Variants in PTPRT observed in about 807,000 individuals in gnomAD.
The protein encoded by PTPRT is receptor-type tyrosine-protein phosphatase T.
A neutral mutation model predicts 176.8 loss-of-function variants in PTPRT; 56 were observed. The observed-to-expected ratio is 0.32, with a 90% CI of 0.26 to 0.40. The LOEUF (loss-of-function observed/expected upper bound fraction) is 0.40. Ranked by LOEUF, PTPRT falls within the 10% of genes least tolerant of loss-of-function variation. The pLI is 1.00. For synonymous variants in PTPRT, 783 were observed against 739.0 expected, an observed-to-expected ratio of 1.06 and a Z score of -0.96; for missense variants, 1,540 against 1,908.2, an observed-to-expected ratio of 0.81 and a Z score of 3.60.
chr20:42,064,818 T>A, the PTPRT span, among the ~76,000 whole-genome samples: 1 of 152,246 alleles, frequency 6.6e-6, no homozygotes, highest in African/African-American at 2.4e-5. Flanking sequence ...TTCTCTTGAA[T>A]CACTGCTGAC....
downstream of PTPRT, among the ~76,000 whole-genome samples, chr20:42,069,376 T>C (rs1982223291): frequency 2.0e-5 from 3 of 152,108 alleles, no homozygotes; most frequent in South Asian, 2.1e-4. Flanking sequence ...AGCAAGAGAT[T>C]TTTTTTTCCC....
At chr20:42,578,488 T>A (rs534919424) in intron 7 of PTPRT, among the ~76,000 whole-genome samples, 1 of 152,232 alleles carries the variant, frequency 6.6e-6, no homozygotes, top group African/African-American at 2.4e-5. Flanking sequence ...GTTTCAAACT[T>A]AACATGTTTG....
intron 11 of PTPRT, among the ~76,000 whole-genome samples, chr20:42,341,535 C>T (rs1010464590): frequency 5.3e-5 from 8 of 152,184 alleles, no homozygotes; most frequent in Admixed American, 3.9e-4. Flanking sequence ...GCCAGTCCTT[C>T]TCCATCTCCT....
chr20:42,477,184 T>C (rs2071304874), intron 7 of PTPRT, among the ~76,000 whole-genome samples: 1 of 152,122 alleles, frequency 6.6e-6, no homozygotes, highest in Non-Finnish European at 1.5e-5. Flanking sequence ...GTTCATGTGT[T>C]TGTCCCCCCT....
At chr20:42,574,457 C>A (rs1396424697) in intron 7 of PTPRT, among the ~76,000 whole-genome samples, 1 of 152,088 alleles carries the variant, frequency 6.6e-6, no homozygotes, top group Non-Finnish European at 1.5e-5. Flanking sequence ...ATTTACACAC[C>A]CACCAAAGGT....
At chr20:42,955,999 G>A (rs183891034) in intron 1 of PTPRT, among the ~76,000 whole-genome samples, 1 of 152,266 alleles carries the variant, frequency 6.6e-6, no homozygotes, top group East Asian at 1.9e-4. Context: ...TCCCTTCCAG[G>A]AGAGGAAGGG....
intron 1 of PTPRT, among the ~76,000 whole-genome samples, chr20:42,919,246 G>A (rs78521082): frequency 0.019 from 2,881 of 152,280 alleles, 105 homozygotes; most frequent in African/African-American, 0.066. Flanking sequence ...CTTAGGAAAC[G>A]TTACTACTTG....
At chr20:42,845,111 G>T (rs2078346608) in intron 2 of PTPRT, among the ~76,000 whole-genome samples, 1 of 152,158 alleles carries the variant, frequency 6.6e-6, no homozygotes, top group Non-Finnish European at 1.5e-5. Context: ...TCTAGACATT[G>T]GTAAGCAAGC....
intron 12 of PTPRT, among the ~76,000 whole-genome samples, chr20:42,297,209 A>G (rs929003289): frequency 6.6e-6 from 1 of 152,186 alleles, no homozygotes; most frequent in African/African-American, 2.4e-5. Flanking sequence ...ATAAACATCT[A>G]TGCCCCCAAA....
At chr20:42,346,404 G>A (rs2058195839) in intron 11 of PTPRT, among the ~76,000 whole-genome samples, 2 of 152,144 alleles carry the variant, frequency 1.3e-5, no homozygotes, top group African/African-American at 2.4e-5. Context: ...AAGAAGGCTC[G>A]GCATGTTCAA....
At chr20:42,108,641 G>C (rs1183795922) in intron 23 of PTPRT, among the ~76,000 whole-genome samples, 4 of 104,228 alleles carry the variant, frequency 3.8e-5, no homozygotes, top group African/African-American at 1.9e-4. Context: ...GGTATTAGGA[G>C]TGGGAATATG....
At position 42,076,057 on chromosome 20, in the gene PTPRT, G is replaced by T. The variant is rs1375309119; in HGVS notation, c.*4822C>A. The T allele has an allele frequency of 4.5e-6, 1 of 220,702 alleles. No individual in the cohort carries two copies. The highest frequency in any genetic ancestry group is 9.1e-6 in the Non-Finnish European group (1 of 110,270). 13.7% of individuals were successfully genotyped at this position (220,702 alleles called of 1,614,324 possible). A position where few individuals can be genotyped will look rare whatever the true frequency, so the allele number is the denominator to read the frequency against. On this transcript the variant is annotated 3_prime_UTR_variant, in exon 31 of 31. Coordinates refer to ENST00000373187, the MANE Select transcript of PTPRT (RefSeq NM_007050.6). ...CTCCAAATCTACCCCTTCTAATGTT[G>T]ATGAGGGTCCTTTTTTCATGTATGT...
intron 7 of PTPRT, among the ~76,000 whole-genome samples, chr20:42,538,004 T>C (rs1483049925): frequency 6.6e-6 from 1 of 152,176 alleles, no homozygotes; most frequent in African/African-American, 2.4e-5. Flanking sequence ...TAACTATGTG[T>C]CAGATATCAT....
chr20:42,679,369 T>A (rs2075563802), intron 6 of PTPRT, among the ~76,000 whole-genome samples: 1 of 151,464 alleles, frequency 6.6e-6, no homozygotes, highest in African/African-American at 2.4e-5. Context: ...TAGTGTAGGA[T>A]AAAACTTATA....
At chr20:42,875,947 T>C (rs2078922243) in intron 2 of PTPRT, among the ~76,000 whole-genome samples, 1 of 152,226 alleles carries the variant, frequency 6.6e-6, no homozygotes. Context: ...ATATTTCAAG[T>C]ACTTAGGATA....
intron 7 of PTPRT, among the ~76,000 whole-genome samples, chr20:42,528,911 G>A (rs1441417497): frequency 6.6e-6 from 1 of 152,184 alleles, no homozygotes; most frequent in Non-Finnish European, 1.5e-5. Context: ...CTGCTAGAAA[G>A]TGCATCTCAC....
At chr20:42,409,633 T>C (rs2058994732) in intron 9 of PTPRT, among the ~76,000 whole-genome samples, 2 of 152,202 alleles carry the variant, frequency 1.3e-5, no homozygotes, top group Admixed American at 6.5e-5. Flanking sequence ...ATTGTGTCTC[T>C]ATTTTGTTTC....
chr20:42,341,150 T>G (rs1459852392), intron 11 of PTPRT, among the ~76,000 whole-genome samples: 1 of 152,176 alleles, frequency 6.6e-6, no homozygotes, highest in Non-Finnish European at 1.5e-5. Context: ...ATTCTCCAAA[T>G]AGCACTTCCT....
chr20:42,527,710 G>A (rs969733761), intron 7 of PTPRT, among the ~76,000 whole-genome samples: 1 of 152,174 alleles, frequency 6.6e-6, no homozygotes, highest in African/African-American at 2.4e-5. Flanking sequence ...ACAAGCCTAA[G>A]TAGATTGTAG....
Sources: gnomAD v4.1 joint callset for allele counts (sites outside exome capture counted in the v4.1 genomes callset) on GRCh38, gnomAD v4.1.1 for gene constraint, MANE v1.5 for transcripts, NCBI Gene and HGNC (gene_info 2026-07-23, HGNC 2026-07-21) for gene names.